Variants in ZSCAN10 observed in about 807,000 individuals in gnomAD.
The protein encoded by ZSCAN10 is zinc finger and SCAN domain-containing protein 10.
ZSCAN10 carries 52 observed loss-of-function variants against 63.7 expected under a neutral mutation model. The observed-to-expected ratio is 0.82, with a 90% CI of 0.65 to 1.03. The LOEUF is 1.03. Ranked by LOEUF, ZSCAN10 falls within the 50% of genes least tolerant of loss-of-function variation. ZSCAN10 has a pLI of 0.00. For synonymous variants in ZSCAN10, 544 were observed against 479.6 expected, an observed-to-expected ratio of 1.13 and a Z score of -1.76; for missense variants, 1,223 against 1,103.8, an observed-to-expected ratio of 1.11 and a Z score of -1.53.
At position 3,090,434 on chromosome 16, in the gene ZSCAN10, C is replaced by G; in HGVS notation, c.1000G>C (p.Val334Leu). ...TTGGGCTCGGGGACGCCCTCAGCCA[C>G]TTTGACCTCCAAAATTTCACTGCTG... ...LGSSEILEVK[V>L]AEGVPEPNPE... The change falls in exon 6 of 6, where the codon GTG becomes CTG. Residue 334 changes from valine (V) to leucine (L), a missense_variant. Coordinates refer to ENST00000576985, the MANE Select transcript of ZSCAN10 (RefSeq NM_032805.3). 1 of 1,613,920 alleles carries G rather than the reference C, an allele frequency of 6.2e-7. No homozygotes were observed. The highest frequency in any genetic ancestry group is 1.1e-5 in the South Asian group (1 of 91,080).
rs755377345 is a variant in ZSCAN10 at position 3,089,678 on chromosome 16, G to A, written c.1756C>T (p.Arg586Cys). 2 of 1,599,168 alleles carry A rather than the reference G, an allele frequency of 1.3e-6. No homozygotes were observed. The highest frequency in any genetic ancestry group is 2.2e-5 in the South Asian group (2 of 89,866). ...KPYACPQCGKRFVRRASLARH... is the reference protein window; with the variant it reads ...KPYACPQCGKCFVRRASLARH... ...GCAAGGCTGGCCCGGCGCACAAAGC[G>A]CTTCCCGCACTGCGGACAGGCGTAG... is the stretch of plus-strand genomic sequence containing the variant. The change falls in exon 6 of 6, where the codon CGC becomes TGC. Residue 586 changes from arginine (R) to cysteine (C), a missense_variant. Arg to Cys is a radical substitution (Grantham distance 180). Transcript: ENST00000576985.
chr16:3,098,417 C>T (rs1957182976), intron 1 of ZSCAN10, among the ~76,000 whole-genome samples: 1 of 152,178 alleles, frequency 6.6e-6, no homozygotes, highest in Admixed American at 6.5e-5. Flanking sequence ...AGAAAAGGAA[C>T]TGATCTCCAT....
Position 3,089,791 on chromosome 16 carries a change from C to T in ZSCAN10, c.1643G>A (p.Arg548Gln), listed in dbSNP as rs1231086452. Reference protein sequence around the residue: ...VAHRRVHTGERPFSCQACGRS... With the variant: ...VAHRRVHTGEQPFSCQACGRS... ...GCCGCAAGCCTGGCAGGAGAAGGGC[C>T]GCTCGCCCGTGTGCACCCTCCGGTG... Residue 548 changes from arginine (R) to glutamine (Q), a missense_variant, in exon 6 of 6, where the codon CGG (arginine) becomes CAG (glutamine). Transcript: ENST00000576985. The T allele has an allele frequency of 4.4e-6, 7 of 1,590,352 alleles. No homozygotes were observed. Among genetic ancestry groups the T allele is most frequent in the Non-Finnish European group, 6.0e-6 (7 of 1,175,350 alleles).
chr16:3,097,014 T>C (rs962222708), intron 1 of ZSCAN10, among the ~76,000 whole-genome samples: 2 of 151,928 alleles, frequency 1.3e-5, no homozygotes, highest in East Asian at 3.9e-4. Flanking sequence ...GGAGAATCTC[T>C]TGAACCCAGG....
chr16:3,089,758 A>G lies in ZSCAN10; in HGVS notation c.1676T>C (p.Phe559Ser). 6.3e-7 allele frequency: 1 copy of G among 1,599,642 alleles called. No individual in the cohort carries two copies. Among genetic ancestry groups the G allele is most frequent in the Non-Finnish European group, 8.5e-7 (1 of 1,178,828 alleles). ...PFSCQACGRS[F>S]TQSSQLVSHQ... The stretch of plus-strand genomic sequence containing the variant: ...GCTGACCAGCTGCGAGCTCTGCGTG[A>G]AGCTGCGGCCGCAAGCCTGGCAGGA... The change falls in exon 6 of 6, where the codon TTC becomes TCC. Residue 559 changes from phenylalanine (F) to serine (S), a missense_variant. Coordinates refer to ENST00000576985, the MANE Select transcript of ZSCAN10 (RefSeq NM_032805.3).
At position 3,089,695 on chromosome 16, in the gene ZSCAN10, C is replaced by G. The variant is rs779794491; in HGVS notation, c.1739G>C (p.Cys580Ser). The G allele has an allele frequency of 6.2e-7, 1 of 1,605,630 alleles. No homozygotes were observed. Among genetic ancestry groups the G allele is most frequent in the South Asian group, 1.1e-5 (1 of 90,552 alleles). The change falls in exon 6 of 6, where the codon TGT (cysteine) becomes TCT (serine). Residue 580 changes from cysteine (C) to serine (S), a missense_variant. By Grantham distance (112) the Cys-to-Ser change is moderately radical (BLOSUM62 -1). Transcript: ENST00000576985. ...CACAAAGCGCTTCCCGCACTGCGGA[C>G]AGGCGTAGGGCTTCTCGCCCGTGTG... Reference protein sequence around the residue: ...RVHTGEKPYACPQCGKRFVRR... With the variant: ...RVHTGEKPYASPQCGKRFVRR...
Position 3,092,769 on chromosome 16 carries a change from C to G in ZSCAN10, c.169G>C (p.Gly57Arg). 1.9e-6 allele frequency: 3 copies of G among 1,603,122 alleles called. No individual in the cohort carries two copies. Among genetic ancestry groups the G allele is most frequent in the Non-Finnish European group, 2.6e-6 (3 of 1,175,300 alleles). The stretch of plus-strand genomic sequence containing the variant: ...AGCCGGCTCAGGGACGCCCGTGGCC[C>G]CATGTCCTCCTGATACTGGAAGCAT... ...FRCFQYQEDM[G>R]PRASLSRLRE... Residue 57 changes from glycine to arginine, a missense_variant, in exon 2 of 6, where the codon GGG (glycine) becomes CGG (arginine). Coordinates refer to ENST00000576985, the MANE Select transcript of ZSCAN10 (RefSeq NM_032805.3).
In ZSCAN10 at chr16:3,090,038, T is replaced by C. The variant is rs1160856123; in HGVS notation, c.1396A>G (p.Ser466Gly). ...QDQKPPCAPE[S>G]KAEAPPLTDV... The stretch of plus-strand genomic sequence containing the variant: ...GTCAGTGGCGGCGCTTCGGCCTTAC[T>C]CTCAGGAGCGCAGGGCGGCTTCTGG... Residue 466 changes from serine to glycine, a missense_variant, in exon 6 of 6, where the codon AGT (serine) becomes GGT (glycine). Ser to Gly is a moderately conservative substitution (Grantham distance 56, BLOSUM62 0). Coordinates refer to ENST00000576985, the MANE Select transcript of ZSCAN10 (RefSeq NM_032805.3). 6.3e-7 allele frequency: 1 copy of C among 1,598,696 alleles called. No homozygotes were observed. The highest frequency in any genetic ancestry group is 1.7e-5 in the Admixed American group (1 of 58,364).
In ZSCAN10 at chr16:3,089,231, G is replaced by C; in HGVS notation, c.2203C>G (p.Arg735Gly). 1 of 1,584,074 alleles carries C rather than the reference G, an allele frequency of 6.3e-7. No homozygotes were observed. The highest frequency in any genetic ancestry group is 1.1e-5 in the South Asian group (1 of 88,494). Reference protein sequence around the residue: ...ECVECGKSFSRSCNLLRHLLV... With the variant: ...ECVECGKSFSGSCNLLRHLLV... ...AGGTGTCGCAGCAGATTGCAGCTGC[G>C]GCTGAAGCTCTTCCCGCACTCCACG... Residue 735 changes from arginine to glycine, a missense_variant, in exon 6 of 6, where the codon CGC becomes GGC. Physicochemically the swap from Arg to Gly is moderately radical, Grantham distance 125. Coordinates refer to ENST00000576985, the MANE Select transcript of ZSCAN10 (RefSeq NM_032805.3).
chr16:3,091,695 AT>A, intron 4 of ZSCAN10, 68 bp downstream of exon 4: 1 of 1,606,776 alleles, frequency 6.2e-7, no homozygotes, highest in Non-Finnish European at 8.5e-7. Flanking sequence ...GAAGGTATGG[AT>A]TTGCTAAAAC....
chr16:3,089,995 T>C lies in ZSCAN10; in HGVS notation c.1439A>G (p.His480Arg), dbSNP rs1303985453. The stretch of plus-strand genomic sequence containing the variant: ...GCGGCGCTGGAAGCTCTGGCCGCAG[T>C]GGGAGCACAGGACATCGGTCAGTGG... ...APPLTDVLCS[H>R]CGQSFQRRSS... Residue 480 changes from histidine (H) to arginine (R), a missense_variant, in exon 6 of 6, where the codon CAC becomes CGC. Transcript: ENST00000576985. 3 of 1,559,276 alleles carry C rather than the reference T, an allele frequency of 1.9e-6. No individual in the cohort carries two copies. The highest frequency in any genetic ancestry group is 2.6e-6 in the Non-Finnish European group (3 of 1,155,554).
At chr16:3,098,058 A>G (rs903721967) in intron 1 of ZSCAN10, among the ~76,000 whole-genome samples, 18 of 151,110 alleles carry the variant, frequency 1.2e-4, no homozygotes, top group Non-Finnish European at 5.9e-5. Flanking sequence ...AAAAAAAAAA[A>G]AAAAGAAAGA....
chr16:3,091,880 C>A, intron 3 of ZSCAN10, 52 bp from the exon 4 acceptor site: 2 of 1,587,002 alleles, frequency 1.3e-6, no homozygotes, highest in Non-Finnish European at 8.6e-7. Flanking sequence ...GCAGCCCTGC[C>A]TGCCATATGG....
intron 1 of ZSCAN10, among the ~76,000 whole-genome samples, chr16:3,094,537 G>T (rs1273012849): frequency 3.3e-5 from 5 of 152,018 alleles, no homozygotes; most frequent in East Asian, 3.9e-4. Flanking sequence ...TAGAGATGGG[G>T]TTTCACCATG....
chr16:3,097,178 G>A (rs1957163442), intron 1 of ZSCAN10, among the ~76,000 whole-genome samples: 1 of 151,892 alleles, frequency 6.6e-6, no homozygotes, highest in Non-Finnish European at 1.5e-5. Context: ...ACAGTTTGCT[G>A]TACCCCCTTA....
Position 3,091,777 on chromosome 16 carries a change from A to T in ZSCAN10, c.716T>A (p.Leu239Gln). The T allele has an allele frequency of 6.4e-7, 1 of 1,572,796 alleles. No homozygotes were observed. ...WPEESSRDQE[L>Q]AAVLECLTFE... is the part of the protein sequence containing the mutation. Reference sequence around the variant, plus strand: ...GGCCCAGCTCACCAGCACAGCCGCCAGCTCCTGATCTCGGGAACTCTCCTC... The same window carrying T: ...GGCCCAGCTCACCAGCACAGCCGCCTGCTCCTGATCTCGGGAACTCTCCTC... Residue 239 changes from leucine (L) to glutamine (Q), a missense_variant, in exon 4 of 6, where the codon CTG (leucine) becomes CAG (glutamine). By Grantham distance (113) the Leu-to-Gln change is moderately radical. Coordinates refer to ENST00000576985, the MANE Select transcript of ZSCAN10 (RefSeq NM_032805.3).
Position 3,089,615 on chromosome 16 carries a change from G to C in ZSCAN10, c.1819C>G (p.His607Asp), listed in dbSNP as rs902520616. 1 of 1,585,372 alleles carries C rather than the reference G, an allele frequency of 6.3e-7. No individual in the cohort carries two copies. The highest frequency in any genetic ancestry group is 1.4e-5 in the African/African-American group (1 of 74,072). ...AAACTCTTCCCGCACTGGGTGCAGT[G>C]GTGGGGCCGAGGGCCACCGTGGGTC... ...LLTHGGPRPH[H>D]CTQCGKSFGQ... is the part of the protein sequence containing the mutation. The change falls in exon 6 of 6, where the codon CAC becomes GAC. Residue 607 changes from histidine (H) to aspartate (D), a missense_variant. Physicochemically the swap from His to Asp is moderately conservative, Grantham distance 81 (BLOSUM62 -1). Transcript: ENST00000576985.
At chr16:3,097,065 C>T (rs972278289) in intron 1 of ZSCAN10, among the ~76,000 whole-genome samples, 3 of 151,250 alleles carry the variant, frequency 2.0e-5, no homozygotes, top group Non-Finnish European at 4.4e-5. Context: ...TCACTACACT[C>T]CAGCTTGGGC....
Position 3,089,883 on chromosome 16 carries a change from G to A in ZSCAN10, c.1551C>T (p.Ser517=), listed in dbSNP as rs1345714956. 7 of 1,536,310 alleles carry A rather than the reference G, an allele frequency of 4.6e-6. No homozygotes were observed. The East Asian group carries it at 9.8e-5, about 21-fold the overall frequency. ...CGCTGCACACGAAGGGCCTCCGGTC[G>A]GAGTCCCGGCGGCGGCTGCCGGAGC... ...SEGSGSRRRD[S]DRRPFVCSDC... is the part of the protein sequence containing the mutation. Residue 517 remains serine (S), a synonymous_variant, in exon 6 of 6, where the codon TCC becomes TCT. Coordinates refer to ENST00000576985, the MANE Select transcript of ZSCAN10 (RefSeq NM_032805.3).
Sources: allele counts gnomAD v4.1 joint callset (sites outside exome capture counted in the v4.1 genomes callset), GRCh38; gene constraint gnomAD v4.1.1; transcripts MANE v1.5; gene names NCBI Gene and HGNC (gene_info 2026-07-23, HGNC 2026-07-21).